VGLL3: variants seen among roughly 807,000 people sequenced by gnomAD.
The protein encoded by VGLL3 is transcription cofactor vestigial-like protein 3.
In VGLL3, 18 loss-of-function variants were observed where a neutral mutation model predicts 29.2. That is an observed-to-expected ratio of 0.62 (90% CI 0.43 to 0.91). The LOEUF (loss-of-function observed/expected upper bound fraction) is 0.91, where lower values mean the gene tolerates loss of function less well. Among genes scored for constraint, VGLL3 ranks in the 40% least tolerant of loss-of-function variants. The probability of loss-of-function intolerance (pLI) is 0.00; values close to 1 mark genes in which losing one functional copy is unlikely to be tolerated. For synonymous variants in VGLL3, 180 were observed against 151.8 expected (o/e 1.19, Z -1.36); for missense variants, 440 against 413.2 (o/e 1.06, Z -0.56).
intron 3 of VGLL3, among the ~76,000 whole-genome samples, chr3:86,964,846 A>G (rs1419918831): frequency 6.6e-6 from 1 of 152,130 alleles, no homozygotes; most frequent in Non-Finnish European, 1.5e-5. Flanking sequence ...CTAAGACATC[A>G]TTTCTCTACT....
intron 1 of VGLL3, among the ~76,000 whole-genome samples, chr3:86,983,917 G>GT: frequency 6.6e-6 from 1 of 152,134 alleles, no homozygotes; most frequent in Non-Finnish European, 1.5e-5. Flanking sequence ...AACTATAATG[G>GT]TAAGTGGCAG....
At chr3:86,966,162 C>G (rs993017278) in intron 3 of VGLL3, among the ~76,000 whole-genome samples, 47 of 152,094 alleles carry the variant, frequency 3.1e-4, no homozygotes, top group African/African-American at 1.1e-3. Context: ...AAGGCTTAGG[C>G]CTTGGATTAC....
At chr3:86,953,939 CA>C (rs1437537898) in intron 3 of VGLL3, among the ~76,000 whole-genome samples, 1 of 152,008 alleles carries the variant, frequency 6.6e-6, no homozygotes, top group Admixed American at 6.5e-5. Context: ...TTTCTTAAAC[CA>C]GACCAAAGAT....
intron 3 of VGLL3, among the ~76,000 whole-genome samples, chr3:86,954,622 G>C (rs966566538): frequency 6.6e-6 from 1 of 151,880 alleles, no homozygotes; most frequent in Non-Finnish European, 1.5e-5. Context: ...GAGTTAGGTA[G>C]TTTTTTTTAT....
At chr3:86,962,169 T>C in intron 3 of VGLL3, 1 of 985,388 alleles carries the variant, frequency 1.0e-6, no homozygotes, top group Non-Finnish European at 1.2e-6. Context: ...AAGATGAGCA[T>C]TTTTCACGTG....
rs1238743444 is a variant in VGLL3, at chr3:86,983,939, G to T, written c.127-5137C>A. On this transcript the variant is annotated intron_variant, in intron 1 of 3. Transcript: ENST00000398399. ...ATGGTAAGTGGCAGAGATGGGATTA[G>T]AACCTATTTCTGTCTGTTTACAAAG... 7.9e-5 allele frequency among the ~76,000 whole-genome samples: 12 copies of T among 152,240 alleles called. No homozygotes were observed. In the East Asian group the frequency reaches 2.3e-3, roughly 29 times the overall value.
rs1704511974 is a variant in VGLL3, at chr3:86,946,613, T to C, written c.*411A>G. Reference sequence around the variant, plus strand: ...CCCATCAATGCTAAACCAAACTTTTTGTATTTCTACAAAAATAGATGCACA... The same window carrying C: ...CCCATCAATGCTAAACCAAACTTTTCGTATTTCTACAAAAATAGATGCACA... On this transcript the variant is annotated 3_prime_UTR_variant, in exon 4 of 4. Coordinates refer to ENST00000398399, the MANE Select transcript of VGLL3 (RefSeq NM_016206.4). 6.5e-6 allele frequency: 1 copy of C among 155,028 alleles called. No homozygotes were observed. The highest frequency in any genetic ancestry group is 2.4e-5 in the African/African-American group (1 of 41,556). 9.6% of individuals were successfully genotyped at this position (155,028 alleles called of 1,614,324 possible).
chr3:86,984,741 G>A (rs1490673963), intron 1 of VGLL3, among the ~76,000 whole-genome samples: 1 of 151,946 alleles, frequency 6.6e-6, no homozygotes, highest in Non-Finnish European at 1.5e-5. Flanking sequence ...CAAAGACTTG[G>A]AGTCACAAAG....
chr3:86,985,888 G>T (rs1032657417), intron 1 of VGLL3, among the ~76,000 whole-genome samples: 5 of 152,228 alleles, frequency 3.3e-5, no homozygotes, highest in African/African-American at 1.2e-4. Flanking sequence ...TGAGAACCAA[G>T]CTAAGCACCC....
At chr3:86,976,682 G>A (rs1705217043) in intron 2 of VGLL3, among the ~76,000 whole-genome samples, 1 of 152,110 alleles carries the variant, frequency 6.6e-6, no homozygotes, top group Non-Finnish European at 1.5e-5. Flanking sequence ...GTGTTGTAGG[G>A]TTTCTGCACA....
intron 1 of VGLL3, among the ~76,000 whole-genome samples, chr3:86,982,198 G>A (rs1055506245): frequency 2.6e-5 from 4 of 152,126 alleles, no homozygotes; most frequent in East Asian, 3.8e-4. Flanking sequence ...AGGCTGGAGT[G>A]CAATGGTGTG....
At chr3:86,984,113 A>G (rs570349070) in intron 1 of VGLL3, among the ~76,000 whole-genome samples, 1 of 152,352 alleles carries the variant, frequency 6.6e-6, no homozygotes, top group East Asian at 1.9e-4. Context: ...GTTAGAGATT[A>G]AACAATGTCA....
chr3:86,968,926 G>C lies in VGLL3; in HGVS notation c.601C>G (p.Pro201Ala), dbSNP rs775675832. 19 of 1,614,020 alleles carry C rather than the reference G, an allele frequency of 1.2e-5. No individual in the cohort carries two copies. Among genetic ancestry groups the C allele is most frequent in the Non-Finnish European group, 1.4e-5 (17 of 1,180,042 alleles). The change falls in exon 3 of 4, where the codon CCT becomes GCT. Residue 201 changes from proline to alanine, a missense_variant. Coordinates refer to ENST00000398399, the MANE Select transcript of VGLL3 (RefSeq NM_016206.4). ...NLHQTGPAPPPAVSESWPYPL... is the reference protein window; with the variant it reads ...NLHQTGPAPPAAVSESWPYPL... ...TAAGGCCAGGACTCAGACACAGCAG[G>C]GGGAGGGGCTGGGCCAGTCTGATGC...
intron 1 of VGLL3, among the ~76,000 whole-genome samples, chr3:86,981,238 A>C (rs1481339829): frequency 6.6e-6 from 1 of 152,058 alleles, no homozygotes; most frequent in Non-Finnish European, 1.5e-5. Context: ...AAATCCATTA[A>C]ACTATTGTAT....
intron 2 of VGLL3, among the ~76,000 whole-genome samples, chr3:86,974,475 T>C (rs536729711): frequency 6.6e-6 from 1 of 152,302 alleles, no homozygotes; most frequent in East Asian, 1.9e-4. Flanking sequence ...TTAGAATATA[T>C]AGCAGGATTA....
At chr3:86,958,012 C>T (rs995146617) in intron 3 of VGLL3, among the ~76,000 whole-genome samples, 12 of 152,004 alleles carry the variant, frequency 7.9e-5, no homozygotes, top group African/African-American at 2.7e-4. Flanking sequence ...CGTGCACATA[C>T]GATACAGACA....
At chr3:86,974,512 A>G (rs1384978874) in intron 2 of VGLL3, among the ~76,000 whole-genome samples, 3 of 152,238 alleles carry the variant, frequency 2.0e-5, no homozygotes, top group Non-Finnish European at 4.4e-5. Context: ...CATTGTGCCA[A>G]GTAAAATACA....
In VGLL3 at chr3:86,990,873, G is replaced by A. The variant is rs1705571993; in HGVS notation, c.-130C>T. On this transcript the variant is annotated 5_prime_UTR_variant, in exon 1 of 4. Coordinates refer to ENST00000398399, the MANE Select transcript of VGLL3 (RefSeq NM_016206.4). ...TCCAGCTGCTACTGCGGCGAAGGCG[G>A]GTCCTCGGCGGCCTCGGGCTCCGCG... 4.4e-6 allele frequency: 5 copies of A among 1,146,524 alleles called. No individual in the cohort carries two copies. The highest frequency in any genetic ancestry group is 7.5e-4 in the Middle Eastern group (2 of 2,672). The allele number at this position is 1,146,524 out of a possible 1,614,324, so 71.0% of individuals were successfully genotyped here.
intron 1 of VGLL3, among the ~76,000 whole-genome samples, chr3:86,988,337 C>T (rs780265789): frequency 4.3e-4 from 65 of 151,734 alleles, no homozygotes; most frequent in Non-Finnish European, 6.0e-4. Flanking sequence ...TTCCCATGTA[C>T]GGAGAAAACA....
Sources: allele counts gnomAD v4.1 joint callset (sites outside exome capture counted in the v4.1 genomes callset), GRCh38; gene constraint gnomAD v4.1.1; transcripts MANE v1.5; gene names NCBI Gene and HGNC (gene_info 2026-07-23, HGNC 2026-07-21).